The following CATSPERT variants were observed in gnomAD, a reference collection of about 807,000 sequenced individuals.
CATSPERT encodes cation channel sperm-associated targeting subunit tau.
the CATSPERT span, among the ~76,000 whole-genome samples, chr2:201,578,741 G>A: frequency 1.3e-5 from 2 of 152,036 alleles, no homozygotes; most frequent in Non-Finnish European, 1.5e-5. Context: ...AATAAATATT[G>A]AAAAGTTTGC....
At chr2:201,544,629 AT>A in the CATSPERT span, among the ~76,000 whole-genome samples, 2 of 152,072 alleles carry the variant, frequency 1.3e-5, no homozygotes, top group Non-Finnish European at 2.9e-5. Flanking sequence ...ACAATGTCTA[AT>A]AAAAATGCCT....
At chr2:201,517,727 C>T in the CATSPERT span, among the ~76,000 whole-genome samples, 969 of 152,300 alleles carry the variant, frequency 6.4e-3, 40 homozygotes, top group Admixed American at 0.056. Context: ...TGTCCGTGTT[C>T]TTGAATCTAC....
At chr2:201,557,532 T>A in the CATSPERT span, 1 of 152,186 alleles carries the variant, frequency 6.6e-6, no homozygotes, top group East Asian at 1.9e-4. Flanking sequence ...TGGAAACAAC[T>A]GGCTAATCTG....
At chr2:201,601,936 A>G in the CATSPERT span, 1 of 1,348,496 alleles carries the variant, frequency 7.4e-7, no homozygotes, top group Non-Finnish European at 1.0e-6. Flanking sequence ...TTGAACAATA[A>G]TACATTATAA....
chr2:201,552,409 G>T, the CATSPERT span, among the ~76,000 whole-genome samples: 2 of 152,164 alleles, frequency 1.3e-5, no homozygotes, highest in African/African-American at 2.4e-5. Flanking sequence ...AATAAGTTGA[G>T]TTGCTTGATA....
At chr2:201,490,793 G>A in the CATSPERT span, among the ~76,000 whole-genome samples, 3 of 152,208 alleles carry the variant, frequency 2.0e-5, no homozygotes, top group East Asian at 1.9e-4. Flanking sequence ...GCGCGATCTC[G>A]GCTCACTGCA....
the CATSPERT span, among the ~76,000 whole-genome samples, chr2:201,522,486 T>G: frequency 2.0e-5 from 3 of 151,786 alleles, no homozygotes; most frequent in African/African-American, 7.3e-5. Context: ...CAGACTCTGG[T>G]TGAAGTGGGA....
chr2:201,553,488 C>G, the CATSPERT span: 13 of 152,124 alleles, frequency 8.5e-5, no homozygotes, highest in South Asian at 2.1e-4. Context: ...TCCTTTTCTT[C>G]TTATGTCAAC....
chr2:201,530,353 G>A, the CATSPERT span, among the ~76,000 whole-genome samples: 1 of 152,164 alleles, frequency 6.6e-6, no homozygotes, highest in Non-Finnish European at 1.5e-5. Context: ...AGCAACTTAA[G>A]TGTCTATCAA....
At chr2:201,573,695 C>T in the CATSPERT span, among the ~76,000 whole-genome samples, 6 of 152,090 alleles carry the variant, frequency 3.9e-5, no homozygotes, top group East Asian at 1.9e-4. Context: ...CTCAGTCTAT[C>T]GCCCAGGCTG....
chr2:201,557,870 C>T, the CATSPERT span: 5 of 152,166 alleles, frequency 3.3e-5, no homozygotes, highest in African/African-American at 1.2e-4. Context: ...CAAAGCTATG[C>T]TGTTTATATG....
the CATSPERT span, among the ~76,000 whole-genome samples, chr2:201,605,083 C>G: frequency 7.3e-6 from 1 of 137,270 alleles, no homozygotes; most frequent in African/African-American, 2.7e-5. Flanking sequence ...CACACATACA[C>G]AAACATATAT....
chr2:201,516,361 C>G, the CATSPERT span, among the ~76,000 whole-genome samples: 1 of 151,260 alleles, frequency 6.6e-6, no homozygotes, highest in Admixed American at 6.6e-5. Context: ...AGGAAACTTA[C>G]AGTCAAGGTG....
the CATSPERT span, among the ~76,000 whole-genome samples, chr2:201,544,083 C>T: frequency 6.6e-6 from 1 of 152,092 alleles, no homozygotes; most frequent in Non-Finnish European, 1.5e-5. Flanking sequence ...TGTTCATTTC[C>T]CACCTATGAG....
At chr2:201,604,711 A>C in the CATSPERT span, 1 of 1,559,552 alleles carries the variant, frequency 6.4e-7, no homozygotes, top group Non-Finnish European at 8.7e-7. Context: ...CAATGTAAAT[A>C]AATTAAGATT....
the CATSPERT span, among the ~76,000 whole-genome samples, chr2:201,618,744 C>G: frequency 1.9e-3 from 283 of 150,092 alleles, 1 homozygote; most frequent in African/African-American, 6.3e-3. Flanking sequence ...AAAGGAATTG[C>G]TATAAACGAA....
chr2:201,535,526 C>T, the CATSPERT span: 3 of 939,606 alleles, frequency 3.2e-6, no homozygotes, highest in Non-Finnish European at 3.8e-6. Context: ...AGAATTTCCA[C>T]TGAAATAACT....
chr2:201,545,275 G>T, the CATSPERT span, among the ~76,000 whole-genome samples: 3 of 151,812 alleles, frequency 2.0e-5, no homozygotes, highest in Non-Finnish European at 2.9e-5. Flanking sequence ...CTGACCTCAT[G>T]ATCCACCCGC....
At chr2:201,493,706 T>C in the CATSPERT span, 1 of 1,537,418 alleles carries the variant, frequency 6.5e-7, no homozygotes, top group African/African-American at 1.4e-5. Context: ...TTCACTTCTA[T>C]CTCCAATTCT....
Sources: allele counts gnomAD v4.1 joint callset (sites outside exome capture counted in the v4.1 genomes callset), GRCh38; gene constraint gnomAD v4.1.1; transcripts MANE v1.5; gene names NCBI Gene and HGNC (gene_info 2026-07-23, HGNC 2026-07-21).